Variants in SLC24A2 observed in about 807,000 individuals in gnomAD.
SLC24A2 encodes solute carrier family 24 member 2.
SLC24A2 carries 36 observed loss-of-function variants against 62.0 expected under a neutral mutation model. The observed-to-expected ratio is 0.58, with a 90% CI of 0.44 to 0.77. The LOEUF is 0.77. Among genes scored for constraint, SLC24A2 ranks in the 30% least tolerant of loss-of-function variants. The probability of loss-of-function intolerance (pLI) is 0.00; values close to 1 mark genes in which losing one functional copy is unlikely to be tolerated. For synonymous variants in SLC24A2, 358 were observed against 294.0 expected, an observed-to-expected ratio of 1.22 and a Z score of -2.23; for missense variants, 846 against 817.9, an observed-to-expected ratio of 1.03 and a Z score of -0.42.
the SLC24A2 span, among the ~76,000 whole-genome samples, chr9:20,170,272 ACTCAGG>A: frequency 7.0e-6 from 1 of 141,882 alleles, no homozygotes; most frequent in East Asian, 1.9e-4. Context: ...TGAAACCAGC[ACTCAGG>A]CAAAAGTTGT....
chr9:20,068,777 C>T, the SLC24A2 span, among the ~76,000 whole-genome samples: 1 of 152,130 alleles, frequency 6.6e-6, no homozygotes, highest in East Asian at 1.9e-4. Flanking sequence ...AATGGCCATG[C>T]TCTTTCTCAT....
intron 2 of SLC24A2, among the ~76,000 whole-genome samples, chr9:19,739,631 C>G (rs1182669): frequency 0.76 from 116,222 of 152,098 alleles, 45,510 homozygotes; most frequent in African/African-American, 0.92. Context: ...AAAAGAATTT[C>G]ACCCCTATCT....
intron 2 of SLC24A2, among the ~76,000 whole-genome samples, chr9:19,671,671 G>C (rs1482411475): frequency 6.6e-6 from 1 of 152,152 alleles, no homozygotes; most frequent in Non-Finnish European, 1.5e-5. Context: ...TCCTCTTTCA[G>C]TATTAGGTTG....
chr9:20,291,307 CAAGA>C, the SLC24A2 span, among the ~76,000 whole-genome samples: 2 of 152,116 alleles, frequency 1.3e-5, no homozygotes, highest in African/African-American at 4.8e-5. Context: ...TTGGGGAAAT[CAAGA>C]AAGGCTTGCA....
the SLC24A2 span, among the ~76,000 whole-genome samples, chr9:20,298,248 A>G: frequency 6.6e-6 from 1 of 152,166 alleles, no homozygotes; most frequent in East Asian, 1.9e-4. Flanking sequence ...TATTTTTTTG[A>G]GATGGAGTCT....
chr9:19,839,920 G>C, the SLC24A2 span, among the ~76,000 whole-genome samples: 1 of 152,094 alleles, frequency 6.6e-6, no homozygotes, highest in Non-Finnish European at 1.5e-5. Flanking sequence ...GAAGCAATAG[G>C]CTATACCATA....
At chr9:20,042,188 C>G in the SLC24A2 span, among the ~76,000 whole-genome samples, 1 of 152,180 alleles carries the variant, frequency 6.6e-6, no homozygotes, top group African/African-American at 2.4e-5. Flanking sequence ...GAGTCCAGCA[C>G]TTTCCAGAAG....
the SLC24A2 span, among the ~76,000 whole-genome samples, chr9:19,859,067 G>A: frequency 2.0e-5 from 3 of 152,074 alleles, no homozygotes; most frequent in Non-Finnish European, 2.9e-5. Flanking sequence ...TGCAGCACTA[G>A]TCATAATAAT....
chr9:19,541,314 G>C (rs1253813566), intron 8 of SLC24A2, among the ~76,000 whole-genome samples: 1 of 149,904 alleles, frequency 6.7e-6, no homozygotes, highest in African/African-American at 2.4e-5. Flanking sequence ...TTTCTGTTCT[G>C]TTTTTTCCCC....
At chr9:19,896,033 T>A in the SLC24A2 span, 1 of 1,375,938 alleles carries the variant, frequency 7.3e-7, no homozygotes, top group Non-Finnish European at 1.0e-6. Flanking sequence ...CCACAGCAGG[T>A]CCCCTTGCCT....
chr9:19,542,412 C>G (rs1362167084), intron 8 of SLC24A2, among the ~76,000 whole-genome samples: 1 of 152,160 alleles, frequency 6.6e-6, no homozygotes, highest in Non-Finnish European at 1.5e-5. Context: ...TCCTCTTTTC[C>G]TAATTGAACA....
chr9:19,854,804 G>A, the SLC24A2 span, among the ~76,000 whole-genome samples: 1 of 152,086 alleles, frequency 6.6e-6, no homozygotes, highest in Non-Finnish European at 1.5e-5. Context: ...TGTCTATCAG[G>A]TCCACTTGAT....
At chr9:19,883,568 A>AT in the SLC24A2 span, among the ~76,000 whole-genome samples, 3 of 40,378 alleles carry the variant, frequency 7.4e-5, no homozygotes, top group Non-Finnish European at 1.3e-4. Context: ...GTTTCTGTAC[A>AT]TTGTTTTTTT....
chr9:19,780,609 T>TA (rs994501013), intron 2 of SLC24A2, among the ~76,000 whole-genome samples: 2 of 150,566 alleles, frequency 1.3e-5, no homozygotes, highest in Non-Finnish European at 1.5e-5. Context: ...ATAATAGAAA[T>TA]AGAGTGTAGG....
the SLC24A2 span, among the ~76,000 whole-genome samples, chr9:20,031,044 T>C: frequency 4.9e-4 from 74 of 152,192 alleles, 1 homozygote; most frequent in African/African-American, 1.7e-3. Context: ...TATGCTGTGA[T>C]AATGCCACTC....
At chr9:20,087,980 G>C in the SLC24A2 span, among the ~76,000 whole-genome samples, 1 of 152,204 alleles carries the variant, frequency 6.6e-6, no homozygotes, top group African/African-American at 2.4e-5. Flanking sequence ...CAGGTCAGGA[G>C]ATCCCCTCGT....
chr9:19,900,113 G>A, the SLC24A2 span, among the ~76,000 whole-genome samples: 2 of 152,210 alleles, frequency 1.3e-5, no homozygotes, highest in African/African-American at 2.4e-5. Flanking sequence ...GGAGTCTGCT[G>A]TCTGGCCCTG....
At chr9:19,793,670 A>G (rs1564104802), upstream of SLC24A2, among the ~76,000 whole-genome samples, 1 of 152,222 alleles carries the variant, frequency 6.6e-6, no homozygotes. Context: ...AATGAGGTTA[A>G]GTAGCTTGCC....
At position 19,655,392 on chromosome 9, in the gene SLC24A2, T is replaced by C. The variant is rs111860675; in HGVS notation, c.931-33093A>G. 8.9e-3 allele frequency among the ~76,000 whole-genome samples: 1,361 copies of C among 152,324 alleles called. 9 individuals carry two copies. The highest frequency in any genetic ancestry group is 0.037 in the Middle Eastern group (11 of 294). ...ACGTAGACGTTGATAGGAAGGCAGG[T>C]AGATGACTTTCACACCATCTTCACA... On this transcript the variant is annotated intron_variant, in intron 2 of 10. Coordinates refer to ENST00000341998, the MANE Select transcript of SLC24A2 (RefSeq NM_020344.4).
Sources: gnomAD v4.1 joint callset for allele counts (sites outside exome capture counted in the v4.1 genomes callset) on GRCh38, gnomAD v4.1.1 for gene constraint, MANE v1.5 for transcripts, NCBI Gene and HGNC (gene_info 2026-07-23, HGNC 2026-07-21) for gene names.